LMX1A: variants seen among roughly 807,000 people sequenced by gnomAD.
LMX1A encodes LIM homeobox transcription factor 1 alpha.
Under a neutral mutation model 49.1 loss-of-function variants are expected in LMX1A, and 15 were observed. The observed-to-expected ratio is 0.31, with a 90% CI of 0.20 to 0.47. The LOEUF is 0.47. LMX1A is among the 20% of genes least tolerant of loss of function. The probability of loss-of-function intolerance (pLI) is 1.00; values close to 1 mark genes in which losing one functional copy is unlikely to be tolerated. For synonymous variants in LMX1A, 167 were observed against 185.7 expected (o/e 0.90, Z 0.82); for missense variants, 372 against 475.8 (o/e 0.78, Z 2.03).
chr1:165,217,395 A>G (rs1651681221), intron 4 of LMX1A, among the ~76,000 whole-genome samples: 2 of 152,084 alleles, frequency 1.3e-5, no homozygotes, highest in African/African-American at 4.8e-5. Context: ...AAGAGAGGGG[A>G]GGAGAACACC....
At chr1:165,210,877 GC>G in intron 5 of LMX1A, 101 bp from the exon 6 acceptor site, 1 of 648,178 alleles carries the variant, frequency 1.5e-6, no homozygotes, top group South Asian at 2.7e-5. Flanking sequence ...GACTGTATCT[GC>G]TTTAGGAGCT....
chr1:165,286,692 A>G (rs1430297861), intron 3 of LMX1A, among the ~76,000 whole-genome samples: 2 of 152,182 alleles, frequency 1.3e-5, no homozygotes, highest in African/African-American at 4.8e-5. Context: ...AAGTGATTTT[A>G]CAGATGAAGA....
rs1164809934 is a variant in LMX1A at position 165,208,191 on chromosome 1, T to C, written c.748-59A>G. Reference sequence around the variant, plus strand: ...GGTGGCCTGCAGCATGTTCACAAAGTAAGGGGGGGCCTGGAAGTGACACCT... The same window carrying C: ...GGTGGCCTGCAGCATGTTCACAAAGCAAGGGGGGGCCTGGAAGTGACACCT... On this transcript the variant is annotated intron_variant, in intron 6 of 8. Transcript: ENST00000342310. 3.7e-5 allele frequency: 56 copies of C among 1,508,728 alleles called. 4 individuals are homozygous for C. In the South Asian group the frequency reaches 6.0e-4, roughly 16 times the overall value. The allele number at this position is 1,508,728 out of a possible 1,614,324, so 93.5% of individuals were successfully genotyped here. A position where few individuals can be genotyped will look rare whatever the true frequency, so the allele number is the denominator to read the frequency against.
At chr1:165,290,625 C>A (rs1654441923) in intron 3 of LMX1A, among the ~76,000 whole-genome samples, 1 of 152,094 alleles carries the variant, frequency 6.6e-6, no homozygotes. Flanking sequence ...TCTACTATGC[C>A]TTTTATGGAT....
intron 3 of LMX1A, among the ~76,000 whole-genome samples, chr1:165,256,153 G>A (rs1362458929): frequency 2.0e-5 from 3 of 152,130 alleles, no homozygotes; most frequent in African/African-American, 4.8e-5. Context: ...ACACCAAGCC[G>A]TGGGCGTCTC....
At chr1:165,308,474 A>G (rs554353698) in intron 3 of LMX1A, among the ~76,000 whole-genome samples, 1 of 152,378 alleles carries the variant, frequency 6.6e-6, no homozygotes, top group African/African-American at 2.4e-5. Flanking sequence ...TAAGAACTGA[A>G]GAAAGCAAAG....
chr1:165,264,108 G>C (rs990905821), intron 3 of LMX1A, among the ~76,000 whole-genome samples: 28 of 152,042 alleles, frequency 1.8e-4, no homozygotes, highest in Non-Finnish European at 4.0e-4. Flanking sequence ...TTAACTTTGT[G>C]ACTTACGCTG....
At chr1:165,339,521 G>T (rs1240415812) in intron 3 of LMX1A, among the ~76,000 whole-genome samples, 1 of 152,196 alleles carries the variant, frequency 6.6e-6, no homozygotes, top group Non-Finnish European at 1.5e-5. Flanking sequence ...GCATTGAGAT[G>T]ACTGGTATCT....
chr1:165,206,245 T>C (rs1182606339), intron 7 of LMX1A, among the ~76,000 whole-genome samples: 3 of 152,080 alleles, frequency 2.0e-5, no homozygotes, highest in African/African-American at 4.8e-5. Flanking sequence ...ATCCTTGAAA[T>C]ATATTATTTC....
intron 3 of LMX1A, among the ~76,000 whole-genome samples, chr1:165,249,844 T>C (rs1238240145): frequency 6.6e-6 from 1 of 152,116 alleles, no homozygotes; most frequent in Non-Finnish European, 1.5e-5. Flanking sequence ...TTAAGAAGGG[T>C]GTCTGACTGG....
rs1656590133 is a variant in LMX1A at position 165,355,811 on chromosome 1, C to T, written c.-22-230G>A. The T allele has an allele frequency of 2.0e-6, 1 of 507,410 alleles. No homozygotes were observed. The highest frequency in any genetic ancestry group is 3.5e-6 in the Non-Finnish European group (1 of 286,174). The allele number at this position is 507,410 out of a possible 1,614,324, so 31.4% of individuals were successfully genotyped here. A position where few individuals can be genotyped will look rare whatever the true frequency, so the allele number is the denominator to read the frequency against. On this transcript the variant is annotated intron_variant, in intron 1 of 8. Coordinates refer to ENST00000342310, the MANE Select transcript of LMX1A (RefSeq NM_177398.4). The surrounding 1 kb of genome is among the most constrained non-coding windows in gnomAD (Gnocchi z 4.7). ...GTCAACACGTTATGTACTTAGGCCTCCGCCCCCCAACTGCGTTTCTCCTTC... is the reference window on the plus strand; with the variant it reads ...GTCAACACGTTATGTACTTAGGCCTTCGCCCCCCAACTGCGTTTCTCCTTC...
chr1:165,253,395 T>C (rs1653124915), intron 3 of LMX1A, among the ~76,000 whole-genome samples: 1 of 152,214 alleles, frequency 6.6e-6, no homozygotes, highest in Non-Finnish European at 1.5e-5. Flanking sequence ...TGTGTTTATC[T>C]TGGAAGCTTC....
chr1:165,346,280 A>C (rs1656242279), intron 3 of LMX1A, among the ~76,000 whole-genome samples: 1 of 152,330 alleles, frequency 6.6e-6, no homozygotes, highest in East Asian at 1.9e-4. Context: ...GAGTCAGAAA[A>C]GCCAGACATA....
chr1:165,329,682 C>A (rs556257926), intron 3 of LMX1A, among the ~76,000 whole-genome samples: 11 of 128,690 alleles, frequency 8.5e-5, no homozygotes, highest in African/African-American at 3.2e-4. Context: ...TTAAAAAAAT[C>A]AGAGGATACA....
chr1:165,316,930 A>G (rs776551425), intron 3 of LMX1A, among the ~76,000 whole-genome samples: 1 of 152,224 alleles, frequency 6.6e-6, no homozygotes, highest in Non-Finnish European at 1.5e-5. Flanking sequence ...TTTTCTGATC[A>G]GGATCCAGTT....
At chr1:165,328,400 C>T (rs2221246) in intron 3 of LMX1A, among the ~76,000 whole-genome samples, 35,940 of 152,160 alleles carry the variant, frequency 0.24, 4,846 homozygotes, top group African/African-American at 0.34. Flanking sequence ...CAAGTGAGCC[C>T]GATACAAGCC....
At chr1:165,268,490 G>A (rs1027719749) in intron 3 of LMX1A, among the ~76,000 whole-genome samples, 1 of 152,226 alleles carries the variant, frequency 6.6e-6, no homozygotes, top group Non-Finnish European at 1.5e-5. Context: ...GGCATTGAGA[G>A]ATGTTGTTAC....
At chr1:165,228,221 AG>A (rs1652106024) in intron 4 of LMX1A, among the ~76,000 whole-genome samples, 1 of 50,816 alleles carries the variant, frequency 2.0e-5, no homozygotes, top group African/African-American at 3.4e-5. Context: ...ACGGTGCTAT[AG>A]TTTAGATAGC....
At chr1:165,278,891 G>T (rs12067665) in intron 3 of LMX1A, among the ~76,000 whole-genome samples, 6 of 152,128 alleles carry the variant, frequency 3.9e-5, no homozygotes, top group Non-Finnish European at 5.9e-5. Flanking sequence ...GAAGGTACAG[G>T]GCAGGACCCC....
Sources: allele counts gnomAD v4.1 joint callset (sites outside exome capture counted in the v4.1 genomes callset), GRCh38; gene constraint gnomAD v4.1.1; non-coding constraint Gnocchi (gnomAD v3.1); transcripts MANE v1.5; gene names NCBI Gene and HGNC (gene_info 2026-07-23, HGNC 2026-07-21).